Variants in TSPAN12 observed in about 807,000 individuals in gnomAD.
TSPAN12 encodes tetraspanin-12.
Under a neutral mutation model 39.2 loss-of-function variants are expected in TSPAN12, and 19 were observed. The ratio of observed to expected loss-of-function variants is 0.49; its 90% confidence interval spans 0.34 to 0.71. The LOEUF is 0.71. Among genes scored for constraint, TSPAN12 ranks in the 30% least tolerant of loss-of-function variants. The probability of loss-of-function intolerance (pLI) is 0.01; values close to 1 mark genes in which losing one functional copy is unlikely to be tolerated. For synonymous variants in TSPAN12, 119 were observed against 124.8 expected (o/e 0.95, Z 0.31); for missense variants, 314 against 359.9 (o/e 0.87, Z 1.03).
chr7:120,838,958 T>C (rs751842331), intron 3 of TSPAN12, 46 bp from the exon 4 acceptor site: 5 of 1,595,536 alleles, frequency 3.1e-6, no homozygotes, highest in Non-Finnish European at 4.3e-6. Context: ...ATAATCAAAA[T>C]GCACCCAAGA....
At chr7:120,833,431 G>A (rs1260360110) in intron 4 of TSPAN12, among the ~76,000 whole-genome samples, 2 of 151,560 alleles carry the variant, frequency 1.3e-5, no homozygotes, top group African/African-American at 4.8e-5. Flanking sequence ...AAAACAAGGG[G>A]AAATTTCTCC....
In TSPAN12 at chr7:120,788,284, G is replaced by A. The variant is rs1793447217; in HGVS notation, c.*308C>T. 4 of 389,132 alleles carry A rather than the reference G, an allele frequency of 1.0e-5. No individual in the cohort carries two copies. The highest frequency in any genetic ancestry group is 8.1e-4 in the Middle Eastern group (1 of 1,242). 24.1% of individuals were successfully genotyped at this position (389,132 alleles called of 1,614,324 possible). ...CCCACCATATGTGACTCGTTTGCAT[G>A]GATGCGGAAATGCTAATCAAACCAT... On this transcript the variant is annotated 3_prime_UTR_variant, in exon 8 of 8. Transcript: ENST00000222747.
intron 2 of TSPAN12, among the ~76,000 whole-genome samples, chr7:120,848,329 C>T (rs759376964): frequency 6.6e-6 from 1 of 152,148 alleles, no homozygotes; most frequent in Non-Finnish European, 1.5e-5. Context: ...AGAACATGGC[C>T]TATCTCCCCA....
In TSPAN12 at chr7:120,856,626, G is replaced by A. The variant is rs73427827; in HGVS notation, c.66+72C>T. The A allele has an allele frequency of 2.5e-3, 3,604 of 1,461,422 alleles. 63 individuals carry two copies. The African/African-American group carries it at 0.04, about 16-fold the overall frequency. The allele number at this position is 1,461,422 out of a possible 1,614,324, so 90.5% of individuals were successfully genotyped here. A position where few individuals can be genotyped will look rare whatever the true frequency, so the allele number is the denominator to read the frequency against. Reference sequence around the variant, plus strand: ...AATTAATGCTTAGCCATGCCCTTTGGCGCATTATCCGGTGGCTGCAGAAAA... The same window carrying A: ...AATTAATGCTTAGCCATGCCCTTTGACGCATTATCCGGTGGCTGCAGAAAA... On this transcript the variant is annotated intron_variant, in intron 2 of 7. Transcript: ENST00000222747.
intron 7 of TSPAN12, 44 bp from the exon 8 acceptor site, chr7:120,788,941 A>G (rs1295939222): frequency 1.3e-6 from 2 of 1,597,558 alleles, no homozygotes; most frequent in East Asian, 4.5e-5. Flanking sequence ...GATATGTTAC[A>G]GAAGGCCAAA....
chr7:120,799,590 ATATAAT>A (rs1793713090), intron 7 of TSPAN12, among the ~76,000 whole-genome samples: 1 of 115,090 alleles, frequency 8.7e-6, no homozygotes. Context: ...ATATGTAATA[ATATAAT>A]TATATATAAT....
At chr7:120,811,004 G>A (rs1448167994) in intron 5 of TSPAN12, among the ~76,000 whole-genome samples, 1 of 152,142 alleles carries the variant, frequency 6.6e-6, no homozygotes, top group Non-Finnish European at 1.5e-5. Flanking sequence ...AAAACAAAGA[G>A]GAAAGAATTA....
chr7:120,813,315 T>C (rs758499242), intron 5 of TSPAN12, among the ~76,000 whole-genome samples: 6 of 152,188 alleles, frequency 3.9e-5, no homozygotes, highest in Non-Finnish European at 7.3e-5. Context: ...CCTGGTGATG[T>C]AATGGGAAAG....
rs148802163 is a variant in TSPAN12, at chr7:120,800,744, G to GTTTTTTTTTTTTTTTTTTTT, written c.612+5804_612+5805insAAAAAAAAAAAAAAAAAAAA. On this transcript the variant is annotated intron_variant, in intron 7 of 7. Coordinates refer to ENST00000222747, the MANE Select transcript of TSPAN12 (RefSeq NM_012338.4). Reference sequence around the variant, plus strand: ...CTGCTGAAATAAAGTTTTCCTTATCGTTTTTTTTTGTTTTTTTTTTTTGAG... The same window carrying GTTTTTTTTTTTTTTTTTTTT: ...CTGCTGAAATAAAGTTTTCCTTATCGTTTTTTTTTTTTTTTTTTTTTTTTTTTTTGTTTTTTTTTTTTGAG... Among the ~76,000 whole-genome samples, 4 of 118,738 alleles carry GTTTTTTTTTTTTTTTTTTTT rather than the reference G, an allele frequency of 3.4e-5. 1 individual carries two copies. The highest frequency in any genetic ancestry group is 1.3e-4 in the African/African-American group (4 of 31,364). 77.9% of individuals were successfully genotyped at this position (118,738 alleles called of 152,430 possible).
At chr7:120,809,803 G>A (rs554029339) in intron 6 of TSPAN12, among the ~76,000 whole-genome samples, 2 of 152,168 alleles carry the variant, frequency 1.3e-5, no homozygotes, top group East Asian at 3.9e-4. Flanking sequence ...ATGGCGGTTA[G>A]GTAAGAAATG....
intron 2 of TSPAN12, among the ~76,000 whole-genome samples, chr7:120,846,175 A>G (rs1794665188): frequency 6.6e-6 from 1 of 152,254 alleles, no homozygotes; most frequent in South Asian, 2.1e-4. Flanking sequence ...TACCATGAGA[A>G]CAGCAAGGGG....
chr7:120,811,083 T>C (rs1327095335), intron 5 of TSPAN12, among the ~76,000 whole-genome samples: 1 of 152,162 alleles, frequency 6.6e-6, no homozygotes, highest in Non-Finnish European at 1.5e-5. Flanking sequence ...TTTTCAAAAG[T>C]TGTAATTAAG....
intron 4 of TSPAN12, among the ~76,000 whole-genome samples, chr7:120,816,723 C>T (rs753747211): frequency 6.6e-5 from 10 of 151,908 alleles, no homozygotes; most frequent in Non-Finnish European, 1.3e-4. Context: ...TAGCATCTTT[C>T]AAAGGTTCTG....
intron 4 of TSPAN12, among the ~76,000 whole-genome samples, chr7:120,827,468 TCA>T (rs1441904490): frequency 6.6e-6 from 1 of 152,156 alleles, no homozygotes; most frequent in Non-Finnish European, 1.5e-5. Flanking sequence ...ACACTCTGAT[TCA>T]CAGTCATGCT....
intron 2 of TSPAN12, among the ~76,000 whole-genome samples, chr7:120,851,735 C>T (rs1456614662): frequency 1.3e-5 from 2 of 152,152 alleles, no homozygotes; most frequent in African/African-American, 4.8e-5. Flanking sequence ...CCTTACTCCA[C>T]CATGGAGAGA....
intron 6 of TSPAN12, among the ~76,000 whole-genome samples, chr7:120,809,762 CA>C (rs1453565425): frequency 6.6e-6 from 1 of 152,126 alleles, no homozygotes; most frequent in African/African-American, 2.4e-5. Context: ...ATACAGTCCC[CA>C]CTTGAGAAGA....
At chr7:120,799,489 T>C (rs1426611979) in intron 7 of TSPAN12, among the ~76,000 whole-genome samples, 1 of 129,282 alleles carries the variant, frequency 7.7e-6, no homozygotes, top group Non-Finnish European at 1.6e-5. Flanking sequence ...TAATTATATA[T>C]AATTATTTTT....
intron 5 of TSPAN12, among the ~76,000 whole-genome samples, chr7:120,815,147 T>A (rs1025505738): frequency 6.6e-6 from 1 of 152,128 alleles, no homozygotes; most frequent in Non-Finnish European, 1.5e-5. Context: ...ATATACAGAG[T>A]ATACCAAATA....
rs764186044 is a variant in TSPAN12 at position 120,788,621 on chromosome 7, T to G, written c.889A>C (p.Asn297His). 1.2e-6 allele frequency: 2 copies of G among 1,614,190 alleles called. No homozygotes were observed. Among genetic ancestry groups the G allele is most frequent in the Non-Finnish European group, 1.7e-6 (2 of 1,180,006 alleles). Residue 297 changes from asparagine to histidine, a missense_variant, in exon 8 of 8, where the codon AAT becomes CAT. Transcript: ENST00000222747. The part of the protein sequence containing the change: ...FEHTSMANSF[N>H]THFEMEEL ...AACTCCTCCATCTCAAAGTGTGTAT[T>G]AAAGCTGTTTGCCATGGATGTGTGT...
Sources: gnomAD v4.1 joint callset for allele counts (sites outside exome capture counted in the v4.1 genomes callset) on GRCh38, gnomAD v4.1.1 for gene constraint, MANE v1.5 for transcripts, NCBI Gene and HGNC (gene_info 2026-07-23, HGNC 2026-07-21) for gene names.